The following CENPC variants were observed in gnomAD, a reference collection of about 807,000 sequenced individuals.
CENPC encodes CENP-C 1.
In CENPC, 63 loss-of-function variants were observed where a neutral mutation model predicts 112.1. The observed-to-expected ratio is 0.56, with a 90% CI of 0.46 to 0.69. CENPC has a LOEUF of 0.69. Ranked by LOEUF, CENPC falls within the 30% of genes least tolerant of loss-of-function variation. The pLI, the probability that CENPC is intolerant of heterozygous loss-of-function variation, is 0.00. For missense variants in CENPC, 1,000 were observed against 1,103.8 expected, an observed-to-expected ratio of 0.91 and a Z score of 1.33; for synonymous variants, 333 against 367.6, an observed-to-expected ratio of 0.91 and a Z score of 1.08.
At position 67,470,098 on chromosome 4, in the gene CENPC, AAGTTGGCTGAAC is replaced by A. The variant is rs1162876737; in HGVS notation, c.*2495_*2506del. ...ACTGTATCAGCCATTATAGCCCTAGAAGTTGGCTGAACAGTTGGCTGAACAGTAGGCTGCAAA... is the reference window on the plus strand; with the variant it reads ...ACTGTATCAGCCATTATAGCCCTAGAAGTTGGCTGAACAGTAGGCTGCAAA... On this transcript the variant is annotated 3_prime_UTR_variant, in exon 19 of 19. Transcript: ENST00000273853. The A allele has an allele frequency of 9.2e-5, 14 of 152,182 alleles. No homozygotes were observed. The highest frequency in any genetic ancestry group is 1.3e-4 in the Non-Finnish European group (9 of 68,038). 9.4% of individuals were successfully genotyped at this position (152,182 alleles called of 1,614,324 possible). A position where few individuals can be genotyped will look rare whatever the true frequency, so the allele number is the denominator to read the frequency against.
intron 12 of CENPC, among the ~76,000 whole-genome samples, chr4:67,500,874 G>C (rs1025307517): frequency 2.0e-5 from 3 of 152,164 alleles, no homozygotes; most frequent in African/African-American, 7.2e-5. Flanking sequence ...TAAGGTTGGT[G>C]AATGGAGGTT....
chr4:67,477,430 G>C (rs1006309690), intron 17 of CENPC, among the ~76,000 whole-genome samples: 30 of 152,164 alleles, frequency 2.0e-4, no homozygotes, highest in African/African-American at 6.8e-4. Flanking sequence ...GCTCTGCTGG[G>C]TAGCTAGACA....
intron 5 of CENPC, among the ~76,000 whole-genome samples, chr4:67,521,827 T>A (rs1726237657): frequency 6.6e-6 from 1 of 152,216 alleles, no homozygotes. Flanking sequence ...ACAACATGGA[T>A]GAACCTTGAA....
At position 67,506,835 on chromosome 4, in the gene CENPC, C is replaced by G. The variant is rs1174552898; in HGVS notation, c.2004G>C (p.Glu668Asp). 5.0e-6 allele frequency: 8 copies of G among 1,611,696 alleles called. No individual in the cohort carries two copies. In the Admixed American group the frequency reaches 8.4e-5, roughly 17 times the overall value. ...TSGYTCNIPT[E>D]SNLDSGEHKT... ...TATGCTCTCCAGAATCCAAGTTTGA[C>G]TCTGTTGGTATATTACATGTATATC... Residue 668 changes from glutamate (E) to aspartate (D), a missense_variant, in exon 11 of 19, where the codon GAG becomes GAC. Transcript: ENST00000273853.
At chr4:67,533,518 C>T (rs1233729177) in intron 4 of CENPC, among the ~76,000 whole-genome samples, 2 of 152,150 alleles carry the variant, frequency 1.3e-5, no homozygotes, top group Admixed American at 6.6e-5. Context: ...TCTCTCTTAA[C>T]ATCTCATTAA....
intron 2 of CENPC, 29 bp downstream of exon 2, chr4:67,544,119 TA>T: frequency 8.2e-7 from 1 of 1,215,046 alleles, no homozygotes; most frequent in African/African-American, 1.5e-5. Flanking sequence ...AGAATAAAAA[TA>T]ATCTTAAAAG....
intron 12 of CENPC, among the ~76,000 whole-genome samples, chr4:67,500,690 ATAG>A (rs1260643317): frequency 2.0e-5 from 3 of 152,252 alleles, no homozygotes; most frequent in Non-Finnish European, 2.9e-5. Context: ...ATGGCATAAA[ATAG>A]TAGTAGTCCA....
intron 5 of CENPC, 34 bp from the exon 6 acceptor site, chr4:67,519,536 T>A (rs1337091529): frequency 3.8e-6 from 5 of 1,313,648 alleles, no homozygotes; most frequent in Non-Finnish European, 5.0e-6. Context: ...ATTTGTCAAT[T>A]AAAAGAATAA....
chr4:67,508,968 C>T lies in CENPC; in HGVS notation c.1750G>A (p.Ala584Thr). 6.2e-7 allele frequency: 1 copy of T among 1,613,582 alleles called. No homozygotes were observed. The highest frequency in any genetic ancestry group is 8.5e-7 in the Non-Finnish European group (1 of 1,179,704). ...TGTACTCTTTGGTTGCCTTTAGTTG[C>T]TGTCTTCTGCCTTTTAAGTGGAATA... ...KTIPLKRQKT[A>T]TKGNQRVQKF... is the part of the protein sequence containing the mutation. Residue 584 changes from alanine to threonine, a missense_variant, in exon 10 of 19, where the codon GCA becomes ACA. Transcript: ENST00000273853.
At chr4:67,490,512 G>A (rs537419801) in intron 16 of CENPC, among the ~76,000 whole-genome samples, 4 of 152,078 alleles carry the variant, frequency 2.6e-5, no homozygotes, top group African/African-American at 9.6e-5. Context: ...CAGTATTATA[G>A]GAACTGAGAC....
intron 12 of CENPC, among the ~76,000 whole-genome samples, chr4:67,502,203 T>C (rs1232262883): frequency 1.3e-5 from 2 of 152,084 alleles, no homozygotes; most frequent in East Asian, 3.8e-4. Flanking sequence ...AAAAAAATCC[T>C]GAGTCCTTGC....
intron 17 of CENPC, among the ~76,000 whole-genome samples, chr4:67,483,542 C>T (rs1725008923): frequency 6.9e-6 from 1 of 144,610 alleles, no homozygotes; most frequent in African/African-American, 2.5e-5. Context: ...ACTCTTACCA[C>T]TTATATAAAA....
intron 9 of CENPC, 68 bp from the exon 10 acceptor site, chr4:67,509,173 A>G: frequency 9.4e-7 from 1 of 1,067,632 alleles, no homozygotes; most frequent in Non-Finnish European, 1.3e-6. Flanking sequence ...TGAAATACCA[A>G]CAGCATTTAT....
intron 12 of CENPC, 146 bp downstream of exon 12, chr4:67,505,059 G>T (rs1284028819): frequency 4.8e-6 from 3 of 624,988 alleles, no homozygotes; most frequent in Non-Finnish European, 5.7e-6. Flanking sequence ...TAGGTACAGG[G>T]TCTTATTAAT....
intron 4 of CENPC, among the ~76,000 whole-genome samples, chr4:67,537,719 G>A (rs1392904322): frequency 1.3e-5 from 2 of 152,122 alleles, no homozygotes; most frequent in African/African-American, 2.4e-5. Context: ...TTTGTACCCC[G>A]GAGGCAGAGG....
At chr4:67,524,073 TA>T (rs1726304693) in intron 5 of CENPC, among the ~76,000 whole-genome samples, 1 of 150,874 alleles carries the variant, frequency 6.6e-6, no homozygotes, top group East Asian at 2.0e-4. Context: ...CAGAAATCAA[TA>T]AAACTGAAAA....
intron 9 of CENPC, among the ~76,000 whole-genome samples, chr4:67,509,785 C>T (rs1156844399): frequency 6.6e-6 from 1 of 152,052 alleles, no homozygotes; most frequent in Admixed American, 6.6e-5. Context: ...CTCCCCCTCC[C>T]TAGCCTTGTT....
intron 4 of CENPC, among the ~76,000 whole-genome samples, chr4:67,537,293 G>C (rs945503373): frequency 4.6e-5 from 7 of 152,012 alleles, no homozygotes; most frequent in Non-Finnish European, 1.0e-4. Context: ...CATCATCTAG[G>C]TAGTAGTTGT....
At chr4:67,482,232 C>T (rs1390300855) in intron 17 of CENPC, among the ~76,000 whole-genome samples, 7 of 152,182 alleles carry the variant, frequency 4.6e-5, no homozygotes, top group Non-Finnish European at 8.8e-5. Flanking sequence ...CACCTCATTC[C>T]TGCAAGAATG....
Sources: allele counts gnomAD v4.1 joint callset (sites outside exome capture counted in the v4.1 genomes callset), GRCh38; gene constraint gnomAD v4.1.1; transcripts MANE v1.5; gene names NCBI Gene and HGNC (gene_info 2026-07-23, HGNC 2026-07-21).